GABRG3: variants seen among roughly 807,000 people sequenced by gnomAD.
The protein encoded by GABRG3 is gamma-aminobutyric acid receptor subunit gamma-3.
A neutral mutation model predicts 48.8 loss-of-function variants in GABRG3; 25 were observed. The ratio of observed to expected loss-of-function variants is 0.51; its 90% CI spans 0.37 to 0.72. The LOEUF (loss-of-function observed/expected upper bound fraction) is 0.72, where lower values mean the gene tolerates loss of function less well. Among genes scored for constraint, GABRG3 ranks in the 30% least tolerant of loss-of-function variants. The pLI is 0.00. For missense variants in GABRG3, 394 were observed against 577.9 expected, an observed-to-expected ratio of 0.68 and a Z score of 3.26; for synonymous variants, 227 against 217.6, an observed-to-expected ratio of 1.04 and a Z score of -0.38.
chr15:27,309,941 A>G (rs1434264357), intron 3 of GABRG3, among the ~76,000 whole-genome samples: 1 of 152,118 alleles, frequency 6.6e-6, no homozygotes, highest in Non-Finnish European at 1.5e-5. Context: ...ATGGATGGAT[A>G]AACAAACGGT....
At chr15:27,281,539 T>G (rs1891433906) in intron 3 of GABRG3, among the ~76,000 whole-genome samples, 1 of 151,724 alleles carries the variant, frequency 6.6e-6, no homozygotes, top group African/African-American at 2.4e-5. Flanking sequence ...TCTTTTTGTA[T>G]AGTTTTTTAA....
intron 3 of GABRG3, among the ~76,000 whole-genome samples, chr15:27,080,013 G>A (rs551075392): frequency 6.6e-6 from 1 of 152,288 alleles, no homozygotes; most frequent in African/African-American, 2.4e-5. Context: ...GGGATCAGGG[G>A]AAATGCCAGC....
chr15:27,441,916 G>A, intron 5 of GABRG3, among the ~76,000 whole-genome samples: 1 of 152,224 alleles, frequency 6.6e-6, no homozygotes, highest in East Asian at 1.9e-4. Context: ...CGCACCAGCT[G>A]TGAATGTTGG....
At chr15:27,382,786 T>C (rs894523677) in intron 5 of GABRG3, among the ~76,000 whole-genome samples, 5 of 151,848 alleles carry the variant, frequency 3.3e-5, no homozygotes, top group African/African-American at 1.2e-4. Context: ...GAGAGAGGAG[T>C]CATAGTATCA....
At chr15:27,480,033 G>A (rs1890058898) in intron 5 of GABRG3, among the ~76,000 whole-genome samples, 1 of 152,248 alleles carries the variant, frequency 6.6e-6, no homozygotes, top group Admixed American at 6.5e-5. Flanking sequence ...CCTGCCTGAT[G>A]TCATGATCTA....
At chr15:27,284,117 A>G (rs1891529050) in intron 3 of GABRG3, among the ~76,000 whole-genome samples, 1 of 152,194 alleles carries the variant, frequency 6.6e-6, no homozygotes, top group African/African-American at 2.4e-5. Context: ...TAGAATTAGA[A>G]GTAGAGACTT....
intron 3 of GABRG3, among the ~76,000 whole-genome samples, chr15:27,278,144 C>T (rs905127776): frequency 5.3e-5 from 8 of 152,004 alleles, no homozygotes; most frequent in Non-Finnish European, 8.8e-5. Flanking sequence ...CTCCCCATCC[C>T]GGGTTCAAAC....
At chr15:27,336,729 A>T (rs1893989453) in intron 5 of GABRG3, among the ~76,000 whole-genome samples, 1 of 152,212 alleles carries the variant, frequency 6.6e-6, no homozygotes, top group Non-Finnish European at 1.5e-5. Context: ...TCATAGTAGC[A>T]CTATTCTTAA....
chr15:27,179,724 G>A lies in GABRG3; in HGVS notation c.271-147085G>A, dbSNP rs1430151911. Among the ~76,000 whole-genome samples, 2 of 152,142 alleles carry A rather than the reference G, an allele frequency of 1.3e-5. No individual in the cohort carries two copies. Among genetic ancestry groups the A allele is most frequent in the East Asian group, 3.9e-4 (2 of 5,188 alleles). On this transcript the variant is annotated intron_variant, in intron 3 of 9. Coordinates refer to ENST00000615808, the MANE Select transcript of GABRG3 (RefSeq NM_033223.5). The surrounding 1 kb of genome is among the most constrained non-coding windows in gnomAD (Gnocchi z 4.0). ...TTCTCTATTTGTTGCCATCTGTTCT[G>A]TGTCTTTTCATGGTGTGAATTTTGA...
chr15:27,469,593 G>A (rs968482653), intron 5 of GABRG3, among the ~76,000 whole-genome samples: 3 of 151,972 alleles, frequency 2.0e-5, no homozygotes, highest in Non-Finnish European at 4.4e-5. Flanking sequence ...TGCCTGCCTC[G>A]GCCTCCCAAA....
At chr15:27,273,104 T>TA (rs201089133) in intron 3 of GABRG3, among the ~76,000 whole-genome samples, 1,534 of 151,330 alleles carry the variant, frequency 0.01, 25 homozygotes, top group African/African-American at 0.035. Flanking sequence ...TCTACAATGA[T>TA]AAAAAAAAAT....
At chr15:27,476,944 G>T (rs562567058) in intron 5 of GABRG3, among the ~76,000 whole-genome samples, 12 of 152,270 alleles carry the variant, frequency 7.9e-5, no homozygotes, top group Non-Finnish European at 1.5e-4. Flanking sequence ...ACTTACAGGT[G>T]AGTCACAATA....
chr15:27,223,291 A>T (rs1415249535), intron 3 of GABRG3, among the ~76,000 whole-genome samples: 1 of 152,154 alleles, frequency 6.6e-6, no homozygotes, highest in East Asian at 1.9e-4. Context: ...AAGGCCAGGG[A>T]CTCTGTCTAG....
chr15:27,330,561 A>T (rs1330941941), intron 5 of GABRG3, among the ~76,000 whole-genome samples: 1 of 152,240 alleles, frequency 6.6e-6, no homozygotes, highest in African/African-American at 2.4e-5. Flanking sequence ...TAAATCATTC[A>T]CAGAGCCTTT....
intron 6 of GABRG3, among the ~76,000 whole-genome samples, chr15:27,512,545 G>T (rs866799392): frequency 6.6e-6 from 1 of 152,142 alleles, no homozygotes; most frequent in Non-Finnish European, 1.5e-5. Flanking sequence ...ATGATGCAAG[G>T]GTAGATGAGT....
At chr15:27,353,209 C>A (rs1894689185) in intron 5 of GABRG3, among the ~76,000 whole-genome samples, 1 of 151,974 alleles carries the variant, frequency 6.6e-6, no homozygotes, top group Non-Finnish European at 1.5e-5. Context: ...TGTAACCAAT[C>A]TCCATCTCAC....
At chr15:26,987,265 A>G (rs1376243209) in intron 2 of GABRG3, among the ~76,000 whole-genome samples, 6 of 152,224 alleles carry the variant, frequency 3.9e-5, no homozygotes, top group African/African-American at 1.4e-4. Flanking sequence ...CATACTTCCC[A>G]GCTCCACACA....
At chr15:27,063,550 GC>G (rs1210551752) in intron 3 of GABRG3, among the ~76,000 whole-genome samples, 1 of 152,148 alleles carries the variant, frequency 6.6e-6, no homozygotes, top group Non-Finnish European at 1.5e-5. Context: ...CATGTGATGC[GC>G]CTTCTGCCCG....
intron 3 of GABRG3, among the ~76,000 whole-genome samples, chr15:27,200,499 G>C (rs776472449): frequency 6.6e-6 from 1 of 152,116 alleles, no homozygotes; most frequent in African/African-American, 2.4e-5. Context: ...ATGCAACCTC[G>C]CCTCTCCAGG....
Sources: gnomAD v4.1 joint callset for allele counts (sites outside exome capture counted in the v4.1 genomes callset) on GRCh38, gnomAD v4.1.1 for gene constraint, Gnocchi (gnomAD v3.1) non-coding constraint, MANE v1.5 for transcripts, NCBI Gene and HGNC (gene_info 2026-07-23, HGNC 2026-07-21) for gene names.